The following STX7 variants were observed in gnomAD, a reference collection of about 807,000 sequenced individuals.
The protein encoded by STX7 is syntaxin-7.
A neutral mutation model predicts 39.6 loss-of-function variants in STX7; 34 were observed. The observed-to-expected ratio is 0.86, with a 90% CI of 0.65 to 1.14. The LOEUF (loss-of-function observed/expected upper bound fraction) is 1.14. STX7 is among the 50% of genes most tolerant of loss of function. STX7 has a pLI of 0.00. For missense variants in STX7, 284 were observed against 310.4 expected, an observed-to-expected ratio of 0.92 and a Z score of 0.64; for synonymous variants, 119 against 99.1, an observed-to-expected ratio of 1.20 and a Z score of -1.19.
At chr6:132,502,804 C>G (rs1775606235) in intron 2 of STX7, among the ~76,000 whole-genome samples, 1 of 151,974 alleles carries the variant, frequency 6.6e-6, no homozygotes. Flanking sequence ...GAGGCTGAGG[C>G]AGGAGAATGG....
chr6:132,509,060 A>C (rs1470573804), intron 1 of STX7, among the ~76,000 whole-genome samples: 2 of 152,182 alleles, frequency 1.3e-5, no homozygotes, highest in Non-Finnish European at 2.9e-5. Context: ...CATTATAAGC[A>C]AAGGAGCAAA....
At chr6:132,503,416 A>G (rs1562340187) in intron 2 of STX7, 30 bp downstream of exon 2, 1 of 1,577,672 alleles carries the variant, frequency 6.3e-7, no homozygotes, top group East Asian at 2.2e-5. Flanking sequence ...GTGGATACAA[A>G]TAGTGAAGTC....
intron 8 of STX7, among the ~76,000 whole-genome samples, chr6:132,467,513 T>C (rs1003664938): frequency 6.6e-6 from 1 of 152,180 alleles, no homozygotes; most frequent in Non-Finnish European, 1.5e-5. Flanking sequence ...CCTCCCATTA[T>C]AAGATCAATT....
intron 2 of STX7, among the ~76,000 whole-genome samples, chr6:132,499,087 T>G (rs1192962258): frequency 6.6e-6 from 1 of 152,232 alleles, no homozygotes; most frequent in Non-Finnish European, 1.5e-5. Flanking sequence ...ACACGTAGCC[T>G]CACCTCTATA....
At chr6:132,462,092 C>T (rs963243132) in intron 9 of STX7, among the ~76,000 whole-genome samples, 1 of 152,208 alleles carries the variant, frequency 6.6e-6, no homozygotes, top group Non-Finnish European at 1.5e-5. Flanking sequence ...TTGGTTACCA[C>T]AAACACACAT....
chr6:132,510,979 GA>G (rs1328002316), intron 1 of STX7, among the ~76,000 whole-genome samples: 1 of 152,170 alleles, frequency 6.6e-6, no homozygotes, highest in African/African-American at 2.4e-5. Context: ...CCTGGGCAAA[GA>G]AGTAGTCAAT....
At chr6:132,462,616 TG>T (rs1774440664) in intron 9 of STX7, among the ~76,000 whole-genome samples, 2 of 151,048 alleles carry the variant, frequency 1.3e-5, no homozygotes, top group African/African-American at 2.4e-5. Context: ...TGTGTGTGTG[TG>T]TGTGTTTTCA....
intron 2 of STX7, among the ~76,000 whole-genome samples, chr6:132,484,177 C>G (rs190773527): frequency 1.3e-5 from 2 of 152,288 alleles, no homozygotes; most frequent in Non-Finnish European, 2.9e-5. Flanking sequence ...TACTCACTTC[C>G]ACAGACGTGA....
At chr6:132,469,703 G>A (rs1053558401) in intron 7 of STX7, among the ~76,000 whole-genome samples, 1 of 152,122 alleles carries the variant, frequency 6.6e-6, no homozygotes, top group African/African-American at 2.4e-5. Context: ...GCCAGGTGGG[G>A]TGACACGTGC....
chr6:132,510,765 G>A (rs9493344), intron 1 of STX7, among the ~76,000 whole-genome samples: 4 of 152,048 alleles, frequency 2.6e-5, no homozygotes, highest in Non-Finnish European at 4.4e-5. Context: ...ACACTATAAA[G>A]AGAAAAACAG....
At chr6:132,497,239 T>C (rs1314109945) in intron 2 of STX7, among the ~76,000 whole-genome samples, 1 of 152,152 alleles carries the variant, frequency 6.6e-6, no homozygotes. Context: ...TGGAATACTA[T>C]ACAGTAACGA....
At chr6:132,474,009 T>C (rs1485898927) in intron 3 of STX7, among the ~76,000 whole-genome samples, 2 of 151,652 alleles carry the variant, frequency 1.3e-5, no homozygotes, top group African/African-American at 4.9e-5. Flanking sequence ...GTGGGTGGAC[T>C]GTCTGAGCCC....
In STX7 at chr6:132,457,621, C is replaced by A. The variant is rs1419036763; in HGVS notation, c.*3137G>T. On this transcript the variant is annotated 3_prime_UTR_variant, in exon 10 of 10. Transcript: ENST00000367941. ...CAAATGTTATGGAGGACTAAAAAGGCCTGGGATTCACAGGCTCATTTTTTG... is the reference window on the plus strand; with the variant it reads ...CAAATGTTATGGAGGACTAAAAAGGACTGGGATTCACAGGCTCATTTTTTG... 1.3e-5 allele frequency: 2 copies of A among 152,146 alleles called. No individual in the cohort carries two copies. Among genetic ancestry groups the A allele is most frequent in the Non-Finnish European group, 2.9e-5 (2 of 68,026 alleles). 9.4% of individuals were successfully genotyped at this position (152,146 alleles called of 1,614,324 possible). A position where few individuals can be genotyped will look rare whatever the true frequency, so the allele number is the denominator to read the frequency against.
chr6:132,501,833 T>A (rs1775567299), intron 2 of STX7, among the ~76,000 whole-genome samples: 1 of 151,824 alleles, frequency 6.6e-6, no homozygotes, highest in African/African-American at 2.4e-5. Context: ...CAGATACACT[T>A]GGGGCAGACC....
chr6:132,485,686 T>C (rs529069584), intron 2 of STX7, among the ~76,000 whole-genome samples: 6 of 152,224 alleles, frequency 3.9e-5, no homozygotes, highest in Admixed American at 2.6e-4. Flanking sequence ...GTATGCTCCG[T>C]CTTTTAAATT....
At chr6:132,489,637 T>C (rs1775227474) in intron 2 of STX7, among the ~76,000 whole-genome samples, 1 of 152,188 alleles carries the variant, frequency 6.6e-6, no homozygotes, top group Admixed American at 6.5e-5. Flanking sequence ...AAGGATCTTC[T>C]AAAGGATGAG....
In STX7 at chr6:132,474,009, T is replaced by TG. The variant is rs535740311; in HGVS notation, c.155+1583dup. 1.1e-3 allele frequency among the ~76,000 whole-genome samples: 160 copies of TG among 151,772 alleles called. 1 individual carries two copies. In the Middle Eastern group the frequency reaches 0.021, roughly 19 times the overall value. On this transcript the variant is annotated intron_variant, in intron 3 of 9. Transcript: ENST00000367941. ...CTCTGGGAGGGTGAGGTGGGTGGAC[T>TG]GTCTGAGCCCAGAATTGAAGACCAG...
At chr6:132,487,658 C>A (rs1013631450) in intron 2 of STX7, among the ~76,000 whole-genome samples, 2 of 152,020 alleles carry the variant, frequency 1.3e-5, no homozygotes, top group Admixed American at 1.3e-4. Flanking sequence ...AAAATAAAAA[C>A]CATTTCAAAG....
chr6:132,462,159 G>A (rs1297044656), intron 9 of STX7, among the ~76,000 whole-genome samples: 1 of 152,204 alleles, frequency 6.6e-6, no homozygotes, highest in African/African-American at 2.4e-5. Flanking sequence ...GTTGCCTGGG[G>A]TACTCCCCCT....
Sources: gnomAD v4.1 joint callset for allele counts (sites outside exome capture counted in the v4.1 genomes callset) on GRCh38, gnomAD v4.1.1 for gene constraint, MANE v1.5 for transcripts, NCBI Gene and HGNC (gene_info 2026-07-23, HGNC 2026-07-21) for gene names.